Variants in COP1 observed in about 807,000 individuals in gnomAD.
COP1 encodes COP1 E3 ubiquitin ligase.
Under a neutral mutation model 101.3 loss-of-function variants are expected in COP1, and 24 were observed. The observed-to-expected ratio is 0.24, with a 90% CI of 0.17 to 0.33. COP1 has a LOEUF of 0.33. COP1 is among the 10% of genes least tolerant of loss of function. The pLI, the probability that COP1 is intolerant of heterozygous loss-of-function variation, is 1.00. For synonymous variants in COP1, 347 were observed against 341.9 expected, an observed-to-expected ratio of 1.01 and a Z score of -0.17; for missense variants, 663 against 906.2, an observed-to-expected ratio of 0.73 and a Z score of 3.45.
chr1:176,140,427 G>T (rs549640638), intron 6 of COP1, among the ~76,000 whole-genome samples: 3 of 152,118 alleles, frequency 2.0e-5, no homozygotes, highest in Non-Finnish European at 4.4e-5. Flanking sequence ...AAAAAAGTTT[G>T]GAAGACTGAA....
At position 176,108,552 on chromosome 1, in the gene COP1, C is replaced by T. The variant is rs141735455; in HGVS notation, c.1026+8072G>A. Among the ~76,000 whole-genome samples, 201 of 152,256 alleles carry T rather than the reference C, an allele frequency of 1.3e-3. 2 individuals are homozygous for T. The highest frequency in any genetic ancestry group is 4.6e-3 in the African/African-American group (191 of 41,546). On this transcript the variant is annotated intron_variant, in intron 9 of 19. Coordinates refer to ENST00000367669, the MANE Select transcript of COP1 (RefSeq NM_022457.7). ...GACTATCAACTCAACTACCACTCTC[C>T]CTTCCTCCACCTACCCTTCCCCAAT...
intron 3 of COP1, among the ~76,000 whole-genome samples, chr1:176,174,166 T>C (rs1696585368): frequency 6.6e-6 from 1 of 152,038 alleles, no homozygotes; most frequent in South Asian, 2.1e-4. Flanking sequence ...AAAAATCTAG[T>C]AAACACCAAA....
At chr1:176,148,912 T>G (rs1176195184) in intron 6 of COP1, 94 bp downstream of exon 6, 1 of 780,272 alleles carries the variant, frequency 1.3e-6, no homozygotes, top group Non-Finnish European at 2.0e-6. Context: ...TTAAAAATAT[T>G]TAAAGAAATT....
In COP1 at chr1:175,978,983, G is replaced by A. The variant is rs1471888362; in HGVS notation, c.2133+7960C>T. Among the ~76,000 whole-genome samples the A allele has an allele frequency of 2.6e-5, 4 of 152,118 alleles. No individual in the cohort carries two copies. In the East Asian group the frequency reaches 7.7e-4, roughly 29 times the overall value. On this transcript the variant is annotated intron_variant, in intron 18 of 19. Transcript: ENST00000367669. ...TCTTCCTGAGGTAGGTGAGGGATCA[G>A]CAAAATCTAACAGACATTAGGTATT...
At chr1:175,990,048 G>A (rs963747540) in intron 15 of COP1, among the ~76,000 whole-genome samples, 1 of 151,628 alleles carries the variant, frequency 6.6e-6, no homozygotes, top group Non-Finnish European at 1.5e-5. Context: ...CTTGTCTTCA[G>A]TTAGCTTTGT....
intron 11 of COP1, among the ~76,000 whole-genome samples, chr1:176,062,845 A>G (rs1054936892): frequency 6.6e-6 from 1 of 152,194 alleles, no homozygotes; most frequent in Non-Finnish European, 1.5e-5. Flanking sequence ...ATGGGCAGCA[A>G]CATCAATGAA....
intron 15 of COP1, among the ~76,000 whole-genome samples, chr1:176,003,019 T>C (rs1045838017): frequency 1.3e-5 from 2 of 149,994 alleles, no homozygotes; most frequent in African/African-American, 4.9e-5. Flanking sequence ...CCAGCACCTG[T>C]TGTTTCCTGA....
At chr1:176,076,052 A>G (rs1218524186) in intron 11 of COP1, among the ~76,000 whole-genome samples, 1 of 151,236 alleles carries the variant, frequency 6.6e-6, no homozygotes, top group East Asian at 1.9e-4. Context: ...CCCCACTCAC[A>G]CCATTAGACA....
intron 18 of COP1, among the ~76,000 whole-genome samples, chr1:175,966,934 C>T (rs1446332071): frequency 6.6e-6 from 1 of 152,186 alleles, no homozygotes; most frequent in African/African-American, 2.4e-5. Flanking sequence ...ACCCCCCATA[C>T]ACAAAATCCC....
chr1:176,030,833 A>G (rs1487666800), intron 14 of COP1, among the ~76,000 whole-genome samples: 4 of 152,168 alleles, frequency 2.6e-5, no homozygotes, highest in African/African-American at 9.6e-5. Context: ...TGTGAACATC[A>G]CCTTATTTGG....
At chr1:176,068,899 C>G (rs1373058678) in intron 11 of COP1, among the ~76,000 whole-genome samples, 2 of 152,196 alleles carry the variant, frequency 1.3e-5, no homozygotes, top group African/African-American at 4.8e-5. Flanking sequence ...ACTACCTCCA[C>G]CACAAACTTC....
intron 18 of COP1, among the ~76,000 whole-genome samples, chr1:175,954,294 T>G (rs940339664): frequency 2.6e-5 from 4 of 152,156 alleles, no homozygotes; most frequent in Non-Finnish European, 5.9e-5. Context: ...TAGAAAGTTA[T>G]AGCTTCCAAT....
chr1:176,068,993 C>T (rs1676501038), intron 11 of COP1, among the ~76,000 whole-genome samples: 1 of 152,078 alleles, frequency 6.6e-6, no homozygotes, highest in African/African-American at 2.4e-5. Context: ...TTGAGACTGG[C>T]CTCGGCAACA....
intron 6 of COP1, 51 bp downstream of exon 6, chr1:176,148,955 C>G (rs755646338): frequency 2.6e-6 from 3 of 1,142,618 alleles, no homozygotes; most frequent in Non-Finnish European, 3.7e-6. Context: ...AAAATGGGAA[C>G]AGTTAACAAT....
chr1:175,988,307 A>G lies in COP1; in HGVS notation c.1953T>C (p.Asn651=). 1 of 1,611,790 alleles carries G rather than the reference A, an allele frequency of 6.2e-7. No individual in the cohort carries two copies. The change falls in exon 17 of 20, where the codon AAT becomes AAC. Residue 651 remains asparagine (N), a synonymous_variant. Transcript: ENST00000367669. ...ACTTACCACAAGCTATATAATCTCC[A>G]TTGGAAGCCAGGCCTACAAAGTTTT... ...NEKNFVGLAS[N]GDYIACGSEN... is the part of the protein sequence containing the mutation.
At chr1:176,067,377 C>T (rs573475939) in intron 11 of COP1, among the ~76,000 whole-genome samples, 2 of 152,220 alleles carry the variant, frequency 1.3e-5, no homozygotes, top group South Asian at 2.1e-4. Flanking sequence ...CCACCGCGCC[C>T]CCATCCTGCA....
chr1:176,164,920 T>G (rs1393555063), intron 3 of COP1, among the ~76,000 whole-genome samples: 1 of 152,026 alleles, frequency 6.6e-6, no homozygotes, highest in Non-Finnish European at 1.5e-5. Flanking sequence ...TTTCCCCAAT[T>G]AGAGATGAAG....
chr1:176,064,221 A>C (rs1251364867), intron 11 of COP1, among the ~76,000 whole-genome samples: 2 of 152,190 alleles, frequency 1.3e-5, no homozygotes, highest in Non-Finnish European at 2.9e-5. Flanking sequence ...CCCAATGTAA[A>C]GTTTGAAAAC....
At chr1:176,150,436 T>C (rs951043966) in intron 5 of COP1, among the ~76,000 whole-genome samples, 3 of 152,220 alleles carry the variant, frequency 2.0e-5, no homozygotes, top group African/African-American at 4.8e-5. Context: ...GACTGGACCT[T>C]AGACCCATTC....
Sources: gnomAD v4.1 joint callset for allele counts (sites outside exome capture counted in the v4.1 genomes callset) on GRCh38, gnomAD v4.1.1 for gene constraint, MANE v1.5 for transcripts, NCBI Gene and HGNC (gene_info 2026-07-23, HGNC 2026-07-21) for gene names.